The following JMJD8 variants were observed in gnomAD, a reference collection of about 807,000 sequenced individuals.
The protein encoded by JMJD8 is jmjC domain-containing protein 8.
Under a neutral mutation model 37.6 loss-of-function variants are expected in JMJD8, and 56 were observed. The observed-to-expected ratio is 1.49, with a 90% CI of 1.20 to 1.86. The LOEUF is 1.86. Among genes scored for constraint, JMJD8 ranks in the 40% most tolerant of loss-of-function variants. The pLI is 0.00. For missense variants in JMJD8, 542 were observed against 362.7 expected (o/e 1.49, Z -4.01); for synonymous variants, 261 against 163.7 (o/e 1.59, Z -4.54).
At position 682,889 on chromosome 16, in the gene JMJD8, G is replaced by A. The variant is rs758918523; in HGVS notation, c.715-15C>T. ...AAGTACAGCACCTGGTGGAGGAAGGGGGTGCAGCAGAGATTAGCTGCGGGC... is the reference window on the plus strand; with the variant it reads ...AAGTACAGCACCTGGTGGAGGAAGGAGGTGCAGCAGAGATTAGCTGCGGGC... On this transcript the variant is annotated splice_polypyrimidine_tract_variant and intron_variant, in intron 8 of 8. Coordinates refer to ENST00000609261, the MANE Select transcript of JMJD8 (RefSeq NM_001005920.4). The A allele has an allele frequency of 1.2e-6, 2 of 1,612,856 alleles. No individual in the cohort carries two copies. The highest frequency in any genetic ancestry group is 1.7e-5 in the Admixed American group (1 of 60,010).
chr16:684,298 G>A lies in JMJD8; in HGVS notation c.22C>T (p.Leu8Phe), dbSNP rs1001194178. MAPASRL[L>F]ALWALAAVAL... is the part of the protein sequence containing the mutation. ...ACAGCCGCCAGCGCCCAGAGCGCGA[G>A]CAACCGCGACGCCGGCGCCATGAGC... Residue 8 changes from leucine to phenylalanine, a missense_variant, in exon 1 of 9, where the codon CTC becomes TTC. Physicochemically the swap from Leu to Phe is conservative, Grantham distance 22. Transcript: ENST00000609261. 37 of 1,479,000 alleles carry A rather than the reference G, an allele frequency of 2.5e-5. No homozygotes were observed. Among genetic ancestry groups the A allele is most frequent in the Non-Finnish European group, 3.1e-5 (35 of 1,122,848 alleles). The allele number at this position is 1,479,000 out of a possible 1,614,324, so 91.6% of individuals were successfully genotyped here.
chr16:682,494 C>G lies in JMJD8; in HGVS notation c.*300G>C. 1.2e-6 allele frequency: 2 copies of G among 1,613,124 alleles called. No individual in the cohort carries two copies. The highest frequency in any genetic ancestry group is 2.2e-5 in the East Asian group (1 of 44,886). ...GGCTGGGTGGAGGACTACTGAGGTT[C>G]CCTGCCCTACCTGGCGTCCTGGTCC... On this transcript the variant is annotated 3_prime_UTR_variant, in exon 9 of 9. Coordinates refer to ENST00000609261, the MANE Select transcript of JMJD8 (RefSeq NM_001005920.4).
chr16:683,294 G>C (rs767838980), intron 6 of JMJD8, 28 bp downstream of exon 6: 9 of 1,609,496 alleles, frequency 5.6e-6, no homozygotes, highest in Non-Finnish European at 7.6e-6. Context: ...AGAAGCCTCA[G>C]TCCTTCCCAG....
intron 7 of JMJD8, 29 bp from the exon 8 acceptor site, chr16:683,116 T>TGCCCGTTTTGGTCAGCGA: frequency 1.2e-6 from 2 of 1,613,462 alleles, no homozygotes; most frequent in South Asian, 2.2e-5. Flanking sequence ...GTGTCACCCT[T>TGCCCGTTTTGGTCAGCGA]GCCCGTTTTG....
Position 682,154 on chromosome 16 carries a change from C to T in JMJD8, c.*640G>A, listed in dbSNP as rs1415862686. On this transcript the variant is annotated 3_prime_UTR_variant, in exon 9 of 9. Transcript: ENST00000609261. ...CTTTTCAGCCTCTGACCGTGTGCCC[C>T]TGTGCCACAGAAGCGAGACATCCCC... 1.2e-6 allele frequency: 2 copies of T among 1,601,594 alleles called. No individual in the cohort carries two copies. The highest frequency in any genetic ancestry group is 1.7e-6 in the Non-Finnish European group (2 of 1,170,056).
chr16:683,561 C>T lies in JMJD8; in HGVS notation c.360G>A (p.Leu120=). The change falls in exon 5 of 9, where the codon CTG becomes CTA. Residue 120 remains leucine (L), a synonymous_variant. Transcript: ENST00000609261. ...CCAGGGAGGTGGGGTCCTGGGGGTG[C>T]AGCAGCTGCTCCACATACTCCTGGA... ...LPFQEYVEQL[L]HPQDPTSLGN... 6.4e-7 allele frequency: 1 copy of T among 1,572,100 alleles called. No individual in the cohort carries two copies. The highest frequency in any genetic ancestry group is 8.6e-7 in the Non-Finnish European group (1 of 1,158,730).
Position 682,343 on chromosome 16 carries a change from C to T in JMJD8, c.*451G>A, listed in dbSNP as rs2039701692. 6.2e-7 allele frequency: 1 copy of T among 1,613,080 alleles called. No individual in the cohort carries two copies. Among genetic ancestry groups the T allele is most frequent in the Non-Finnish European group, 8.5e-7 (1 of 1,179,970 alleles). On this transcript the variant is annotated 3_prime_UTR_variant, in exon 9 of 9. Coordinates refer to ENST00000609261, the MANE Select transcript of JMJD8 (RefSeq NM_001005920.4). ...TGGTCCTGGGCCCCATGACTGCCCT[C>T]TGCCCTTCTTGTCACTGCAGCGTGT...
chr16:683,989 G>C, intron 2 of JMJD8, 77 bp downstream of exon 2: 1 of 1,557,798 alleles, frequency 6.4e-7, no homozygotes, highest in Non-Finnish European at 8.6e-7. Context: ...GCGAGGTCAG[G>C]GGAAGGCGGC....
In JMJD8 at chr16:682,347, C is replaced by T. The variant is rs202134918; in HGVS notation, c.*447G>A. 316 of 1,613,094 alleles carry T rather than the reference C, an allele frequency of 2.0e-4. 3 individuals carry two copies. In the Middle Eastern group the frequency reaches 7.1e-3, roughly 36 times the overall value. ...CCTGGGCCCCATGACTGCCCTCTGC[C>T]CTTCTTGTCACTGCAGCGTGTGGGT... On this transcript the variant is annotated 3_prime_UTR_variant, in exon 9 of 9. Transcript: ENST00000609261.
rs1388537765 is a variant in JMJD8 at position 683,327 on chromosome 16, AT to A, written c.505del (p.Ile169SerfsTer20). 17 of 1,591,860 alleles carry A rather than the reference AT, an allele frequency of 1.1e-5. No individual in the cohort carries two copies. The highest frequency in any genetic ancestry group is 1.5e-5 in the Non-Finnish European group (17 of 1,168,894). ...CAGTCCCAAGAAGCACCCACCTGCG[AT>A]TCCAAAGCTGTAAGCTGGAGCGGTT... Reference protein sequence around the residue: ...LGTAPAYSFGIAGAGSGVPFH... With the variant: ...LGTAPAYSFGXAGAGSGVPFH... On this transcript the variant is annotated frameshift_variant, in exon 6 of 9. Transcript: ENST00000609261. LOFTEE classifies it high-confidence loss of function.
Position 681,783 on chromosome 16 carries a change from C to T in JMJD8, c.*1011G>A. ...GGTCCATCTCTGACCGGCTCCTGGT[C>T]AACCCCCAGGGAGCTGGAAGAGTGC... On this transcript the variant is annotated 3_prime_UTR_variant, in exon 9 of 9. Coordinates refer to ENST00000609261, the MANE Select transcript of JMJD8 (RefSeq NM_001005920.4). The T allele has an allele frequency of 3.8e-6, 6 of 1,587,160 alleles. No homozygotes were observed. Among genetic ancestry groups the T allele is most frequent in the Non-Finnish European group, 5.2e-6 (6 of 1,162,346 alleles).
Position 683,378 on chromosome 16 carries a change from G to A in JMJD8, c.455C>T (p.Ser152Phe). ...TCCCAGCAGGCCAAATGGGGGTGGG[G>A]AGTAGTGCCGAAAGAGAGAGGCCCA... ...TEWASLFRHY[S>F]PPPFGLLGTA... Residue 152 changes from serine (S) to phenylalanine (F), a missense_variant, in exon 6 of 9, where the codon TCC becomes TTC. Physicochemically the swap from Ser to Phe is radical, Grantham distance 155. Coordinates refer to ENST00000609261, the MANE Select transcript of JMJD8 (RefSeq NM_001005920.4). 1 of 1,556,762 alleles carries A rather than the reference G, an allele frequency of 6.4e-7. No homozygotes were observed. The highest frequency in any genetic ancestry group is 1.2e-5 in the South Asian group (1 of 84,866).
rs3216838 is a variant in JMJD8, at chr16:682,287, GC to G, written c.*506del. 737,114 of 1,612,470 alleles carry G rather than the reference GC, an allele frequency of 0.46. 177,445 individuals carry two copies. Among genetic ancestry groups the G allele is most frequent in the East Asian group, 0.73 (32,599 of 44,864 alleles). On this transcript the variant is annotated 3_prime_UTR_variant, in exon 9 of 9. Coordinates refer to ENST00000609261, the MANE Select transcript of JMJD8 (RefSeq NM_001005920.4). ...ACATCGAGGAGCACCTGCAGGTGAG[GC>G]CTGCGGCTGGGGGAGCAGGGCCAGT... is the stretch of plus-strand genomic sequence containing the variant.
rs758495970 is a variant in JMJD8 at position 682,080 on chromosome 16, A to T, written c.*714T>A. The T allele has an allele frequency of 5.7e-6, 9 of 1,582,150 alleles. No individual in the cohort carries two copies. The highest frequency in any genetic ancestry group is 3.4e-5 in the South Asian group (3 of 87,518). The stretch of plus-strand genomic sequence containing the variant: ...TCAGGTGGATGAGAAGAGGAAGGTG[A>T]GTGTGTGTCGCTTGCTGCCGATGGC... On this transcript the variant is annotated 3_prime_UTR_variant, in exon 9 of 9. Coordinates refer to ENST00000609261, the MANE Select transcript of JMJD8 (RefSeq NM_001005920.4).
chr16:683,640 C>A, intron 4 of JMJD8, 42 bp from the exon 5 acceptor site: 1 of 1,579,162 alleles, frequency 6.3e-7, no homozygotes, highest in African/African-American at 1.3e-5. Context: ...GTCCAGCCGC[C>A]CCGGTGTTGG....
chr16:682,571 G>A lies in JMJD8; in HGVS notation c.*223C>T, dbSNP rs1596553829. 5.7e-6 allele frequency: 9 copies of A among 1,578,296 alleles called. No individual in the cohort carries two copies. Among genetic ancestry groups the A allele is most frequent in the Middle Eastern group, 1.7e-4 (1 of 5,920 alleles). The stretch of plus-strand genomic sequence containing the variant: ...GCCCCTATACATAGTTTATGTTCCT[G>A]GCCACCCCGACCGCTTCCCCCAAGT... On this transcript the variant is annotated 3_prime_UTR_variant, in exon 9 of 9. Transcript: ENST00000609261.
chr16:683,955 G>A (rs747832961), intron 2 of JMJD8, 46 bp from the exon 3 acceptor site: 90 of 1,557,852 alleles, frequency 5.8e-5, no homozygotes, highest in Non-Finnish European at 7.2e-5. Flanking sequence ...CGCCAGCCTC[G>A]CCGCCCCAGC....
Position 681,911 on chromosome 16 carries a change from T to C in JMJD8, c.*883A>G. ...GGTGCCCCCCACCCACATGTGGGTCTGTGTGTGTGCACGTGGCGTGGGAGC... is the reference window on the plus strand; with the variant it reads ...GGTGCCCCCCACCCACATGTGGGTCCGTGTGTGTGCACGTGGCGTGGGAGC... On this transcript the variant is annotated 3_prime_UTR_variant, in exon 9 of 9. Coordinates refer to ENST00000609261, the MANE Select transcript of JMJD8 (RefSeq NM_001005920.4). 1.2e-6 allele frequency: 2 copies of C among 1,611,750 alleles called. No individual in the cohort carries two copies. Among genetic ancestry groups the C allele is most frequent in the Admixed American group, 3.3e-5 (2 of 60,012 alleles).
In JMJD8 at chr16:682,053, T is replaced by TC; in HGVS notation, c.*740dup. 1 of 1,586,546 alleles carries TC rather than the reference T, an allele frequency of 6.3e-7. No individual in the cohort carries two copies. The highest frequency in any genetic ancestry group is 8.6e-7 in the Non-Finnish European group (1 of 1,160,592). ...CATGGCGGACATGGACGAGCTTTTT[T>TC]CTCAGGTGGATGAGAAGAGGAAGGT... On this transcript the variant is annotated 3_prime_UTR_variant, in exon 9 of 9. Coordinates refer to ENST00000609261, the MANE Select transcript of JMJD8 (RefSeq NM_001005920.4).
Sources: allele counts gnomAD v4.1 joint callset, GRCh38; gene constraint gnomAD v4.1.1; transcripts MANE v1.5; gene names NCBI Gene and HGNC (gene_info 2026-07-23, HGNC 2026-07-21).